Variants in ROBO2 observed in about 807,000 individuals in gnomAD.
ROBO2 encodes the protein roundabout homolog 2.
In ROBO2, 53 loss-of-function variants were observed where a neutral mutation model predicts 160.8. The observed-to-expected ratio is 0.33, with a 90% CI of 0.26 to 0.41. The LOEUF (loss-of-function observed/expected upper bound fraction) is 0.41. Ranked by LOEUF, ROBO2 falls within the 10% of genes least tolerant of loss-of-function variation. The probability of loss-of-function intolerance (pLI) is 1.00; values close to 1 mark genes in which losing one functional copy is unlikely to be tolerated. For synonymous variants in ROBO2, 664 were observed against 611.7 expected (o/e 1.09, Z -1.26); for missense variants, 1,577 against 1,722.4 (o/e 0.92, Z 1.49).
chr3:76,791,474 C>T (rs2108736781), intron 2 of ROBO2, among the ~76,000 whole-genome samples: 1 of 151,462 alleles, frequency 6.6e-6, no homozygotes, highest in South Asian at 2.1e-4. Context: ...TCTTTTCTCT[C>T]TCTCTCTCTG....
chr3:76,387,985 T>C lies in ROBO2; in HGVS notation c.109+450383T>C, dbSNP rs563573520. Among the ~76,000 whole-genome samples, 45 of 152,246 alleles carry C rather than the reference T, an allele frequency of 3.0e-4. 1 individual carries two copies. In the South Asian group the frequency reaches 9.1e-3, roughly 31 times the overall value. On this transcript the variant is annotated intron_variant, in intron 2 of 26. Coordinates refer to the ROBO2 transcript ENST00000487694. ...CTTAGAAAATTAAATCAAAATACTATATCAATATTCCAGAGTAGACAAAAA... is the reference window on the plus strand; with the variant it reads ...CTTAGAAAATTAAATCAAAATACTACATCAATATTCCAGAGTAGACAAAAA...
intron 1 of ROBO2, among the ~76,000 whole-genome samples, chr3:77,050,118 G>C (rs1449685364): frequency 6.6e-6 from 1 of 152,194 alleles, no homozygotes; most frequent in Middle Eastern, 3.4e-3. Flanking sequence ...TAGATTTCAG[G>C]GTTAGAGTAA....
intron 2 of ROBO2, among the ~76,000 whole-genome samples, chr3:77,343,886 A>C (rs1560580398): frequency 6.6e-6 from 1 of 152,304 alleles, no homozygotes; most frequent in East Asian, 1.9e-4. Context: ...GAACAAAATG[A>C]AGAAAATACA....
chr3:76,046,698 C>T (rs996714688), intron 2 of ROBO2, among the ~76,000 whole-genome samples: 3 of 151,970 alleles, frequency 2.0e-5, no homozygotes, highest in Non-Finnish European at 4.4e-5. Flanking sequence ...CTGGGCCCAA[C>T]ACAGTCGCTT....
At chr3:76,276,633 G>A (rs1320654566) in intron 2 of ROBO2, among the ~76,000 whole-genome samples, 2 of 151,844 alleles carry the variant, frequency 1.3e-5, no homozygotes, top group African/African-American at 4.8e-5. Flanking sequence ...TGTAATTAAA[G>A]GCAATAGATT....
At chr3:76,560,214 T>A (rs1439522653) in intron 2 of ROBO2, among the ~76,000 whole-genome samples, 1 of 152,142 alleles carries the variant, frequency 6.6e-6, no homozygotes, top group Non-Finnish European at 1.5e-5. Flanking sequence ...CTGCAATGCA[T>A]GATCTAAATT....
At chr3:76,768,123 A>G (rs1315553103) in intron 2 of ROBO2, among the ~76,000 whole-genome samples, 1 of 151,516 alleles carries the variant, frequency 6.6e-6, no homozygotes, top group Non-Finnish European at 1.5e-5. Flanking sequence ...AAAATATAAA[A>G]TAACATATTA....
At chr3:76,221,260 G>A (rs555215863) in intron 2 of ROBO2, among the ~76,000 whole-genome samples, 84 of 152,200 alleles carry the variant, frequency 5.5e-4, no homozygotes, top group Non-Finnish European at 9.9e-4. Context: ...GTGATGGTGA[G>A]TAGTGCCACT....
chr3:77,122,091 C>G (rs923616939), intron 2 of ROBO2, among the ~76,000 whole-genome samples: 2 of 152,036 alleles, frequency 1.3e-5, no homozygotes, highest in Admixed American at 6.6e-5. Context: ...AGGAAGAATT[C>G]TTAGGATTGA....
In ROBO2 at chr3:76,447,019, A is replaced by G. The variant is rs2077217360; in HGVS notation, c.109+509417A>G. Among the ~76,000 whole-genome samples, 5 of 152,232 alleles carry G rather than the reference A, an allele frequency of 3.3e-5. No homozygotes were observed. The South Asian group carries it at 1.0e-3, about 31-fold the overall frequency. On this transcript the variant is annotated intron_variant, in intron 2 of 26. Transcript: ENST00000487694. Reference sequence around the variant, plus strand: ...GTCTAAAACACCAAAAGCAATGGCAACAAAAGCCAAAATTGACAGATGGGA... The same window carrying G: ...GTCTAAAACACCAAAAGCAATGGCAGCAAAAGCCAAAATTGACAGATGGGA...
At chr3:76,124,190 G>A (rs868620083) in intron 2 of ROBO2, among the ~76,000 whole-genome samples, 15 of 151,846 alleles carry the variant, frequency 9.9e-5, no homozygotes, top group Admixed American at 3.3e-4. Flanking sequence ...GAAAATATGC[G>A]GGAAATCCAA....
intron 19 of ROBO2, 127 bp from the exon 21 acceptor site, chr3:77,602,083 T>A (rs1391154768): frequency 2.6e-5 from 24 of 933,756 alleles, no homozygotes; most frequent in Non-Finnish European, 4.1e-5. Flanking sequence ...CTTCAGTGGC[T>A]CATGAAGCCC....
rs570844296 is a variant in ROBO2, at chr3:77,477,409, C to T, written c.389-5C>T. 2 of 1,612,960 alleles carry T rather than the reference C, an allele frequency of 1.2e-6. No homozygotes were observed. The highest frequency in any genetic ancestry group is 1.7e-6 in the Non-Finnish European group (2 of 1,179,528). ...TTTTCTTTTCCTGTAATTATTTTTC[C>T]TCAGTGTTACGAGATGACTTCCGAC... On this transcript the variant is annotated splice_region_variant and splice_polypyrimidine_tract_variant and intron_variant, in intron 2 of 25. Transcript: ENST00000461745.
At chr3:77,406,399 AT>A (rs923939936) in intron 2 of ROBO2, among the ~76,000 whole-genome samples, 1 of 152,156 alleles carries the variant, frequency 6.6e-6, no homozygotes, top group Non-Finnish European at 1.5e-5. Flanking sequence ...TTACGTACTT[AT>A]TTTTACCTTT....
chr3:77,317,363 G>A, intron 2 of ROBO2: 2 of 905,390 alleles, frequency 2.2e-6, no homozygotes, highest in South Asian at 2.8e-5. Flanking sequence ...TCATCTCGGT[G>A]CCTAGTGTAT....
intron 2 of ROBO2, among the ~76,000 whole-genome samples, chr3:76,269,609 TGAAAG>T (rs1223432455): frequency 6.7e-6 from 1 of 149,236 alleles, no homozygotes; most frequent in African/African-American, 2.4e-5. Flanking sequence ...ACAGAGTAAA[TGAAAG>T]GAATGAGTAA....
intron 2 of ROBO2, among the ~76,000 whole-genome samples, chr3:76,940,175 G>T (rs2078076859): frequency 6.6e-6 from 1 of 151,992 alleles, no homozygotes; most frequent in Non-Finnish European, 1.5e-5. Flanking sequence ...GTAGAGACGG[G>T]GTTTCACCGT....
chr3:76,789,846 A>C (rs1261039023), intron 2 of ROBO2, among the ~76,000 whole-genome samples: 1 of 151,670 alleles, frequency 6.6e-6, no homozygotes, highest in Non-Finnish European at 1.5e-5. Flanking sequence ...CAAGTCCATG[A>C]GGAAACTTTT....
intron 2 of ROBO2, among the ~76,000 whole-genome samples, chr3:76,978,622 C>T (rs893986273): frequency 6.6e-6 from 1 of 151,966 alleles, no homozygotes; most frequent in Non-Finnish European, 1.5e-5. Flanking sequence ...TTATAAAGGA[C>T]ATTCTCCAGG....
Sources: gnomAD v4.1 joint callset for allele counts (sites outside exome capture counted in the v4.1 genomes callset) on GRCh38, gnomAD v4.1.1 for gene constraint, MANE v1.5 for transcripts, NCBI Gene and HGNC (gene_info 2026-07-23, HGNC 2026-07-21) for gene names.